UBE2E2: variants seen among roughly 807,000 people sequenced by gnomAD.
UBE2E2 encodes ubiquitin conjugating enzyme E2 E2, also known as ubiquitin-conjugating enzyme E2 E2.
In UBE2E2, 6 loss-of-function variants were observed where a neutral mutation model predicts 24.7. The ratio of observed to expected loss-of-function variants is 0.24; its 90% CI spans 0.13 to 0.48. The LOEUF (loss-of-function observed/expected upper bound fraction) is 0.48, where lower values mean the gene tolerates loss of function less well. Ranked by LOEUF, UBE2E2 falls within the 20% of genes least tolerant of loss-of-function variation. UBE2E2 has a pLI of 0.99. For missense variants in UBE2E2, 169 were observed against 245.0 expected (o/e 0.69, Z 2.07); for synonymous variants, 104 against 83.6 (o/e 1.24, Z -1.33).
chr3:23,265,429 G>A (rs1392475327), intron 3 of UBE2E2, among the ~76,000 whole-genome samples: 2 of 152,140 alleles, frequency 1.3e-5, no homozygotes, highest in African/African-American at 2.4e-5. Context: ...CTGGAGAGGT[G>A]ACTGGGACCA....
intron 3 of UBE2E2, among the ~76,000 whole-genome samples, chr3:23,263,958 C>T (rs987480965): frequency 1.3e-5 from 2 of 152,102 alleles, no homozygotes; most frequent in Non-Finnish European, 2.9e-5. Context: ...TTTTGTACTT[C>T]GTTTCATTCT....
chr3:23,494,525 G>A (rs1407768760), intron 3 of UBE2E2, among the ~76,000 whole-genome samples: 1 of 152,116 alleles, frequency 6.6e-6, no homozygotes, highest in Non-Finnish European at 1.5e-5. Flanking sequence ...GTAGCCACAT[G>A]GCTACCATAT....
At chr3:23,364,400 C>G (rs943948209) in intron 3 of UBE2E2, among the ~76,000 whole-genome samples, 7 of 151,634 alleles carry the variant, frequency 4.6e-5, no homozygotes, top group Admixed American at 3.9e-4. Flanking sequence ...GAGAGAGAGA[C>G]AGAAGATCCA....
intron 5 of UBE2E2, among the ~76,000 whole-genome samples, chr3:23,581,092 G>C (rs1324358302): frequency 2.0e-5 from 3 of 151,604 alleles, no homozygotes; most frequent in Non-Finnish European, 4.4e-5. Flanking sequence ...TATTTTTGAG[G>C]TGGGGTCTCA....
At chr3:23,537,039 CTTGAAGTTGCAGTT>C (rs1695281860) in intron 5 of UBE2E2, among the ~76,000 whole-genome samples, 1 of 152,160 alleles carries the variant, frequency 6.6e-6, no homozygotes, top group Non-Finnish European at 1.5e-5. Flanking sequence ...CTTCATTTTG[CTTGAAGTTGCAGTT>C]TCCAAGAACC....
intron 5 of UBE2E2, among the ~76,000 whole-genome samples, chr3:23,586,906 C>A (rs1696639384): frequency 1.1e-5 from 1 of 94,090 alleles, no homozygotes. Flanking sequence ...TAAATTAATC[C>A]CTTTTTTTTT....
intron 3 of UBE2E2, among the ~76,000 whole-genome samples, chr3:23,493,306 A>C (rs915613681): frequency 6.6e-6 from 1 of 152,206 alleles, no homozygotes; most frequent in Non-Finnish European, 1.5e-5. Context: ...GCCTATTTTC[A>C]TGATTTTTAT....
intron 3 of UBE2E2, among the ~76,000 whole-genome samples, chr3:23,371,102 T>C (rs1696388091): frequency 6.6e-6 from 1 of 152,196 alleles, no homozygotes; most frequent in South Asian, 2.1e-4. Flanking sequence ...CAATCATGGC[T>C]CACTGCAGCC....
intron 3 of UBE2E2, chr3:23,323,497 A>G (rs1476539551): frequency 4.6e-6 from 2 of 437,602 alleles, no homozygotes; most frequent in Non-Finnish European, 9.1e-6. Context: ...AACACTTTGT[A>G]ATTCACAACT....
intron 3 of UBE2E2, among the ~76,000 whole-genome samples, chr3:23,434,778 TTCTC>T (rs1698146305): frequency 6.6e-6 from 1 of 152,144 alleles, no homozygotes; most frequent in African/African-American, 2.4e-5. Flanking sequence ...GAAAAGGAAA[TTCTC>T]TCAGTGTAAT....
intron 3 of UBE2E2, among the ~76,000 whole-genome samples, chr3:23,373,539 T>A (rs1696446231): frequency 6.6e-6 from 1 of 152,136 alleles, no homozygotes; most frequent in Non-Finnish European, 1.5e-5. Flanking sequence ...CCAGTTAAGT[T>A]GAGGGAGACC....
At chr3:23,471,684 G>T (rs1699035071) in intron 3 of UBE2E2, among the ~76,000 whole-genome samples, 1 of 152,222 alleles carries the variant, frequency 6.6e-6, no homozygotes, top group African/African-American at 2.4e-5. Flanking sequence ...AACCAAAGTT[G>T]TCTTCCAGAA....
chr3:23,284,953 G>T (rs1176234371), intron 3 of UBE2E2, among the ~76,000 whole-genome samples: 5 of 114,418 alleles, frequency 4.4e-5, no homozygotes, highest in Admixed American at 8.4e-5. Flanking sequence ...GCTTCTTGTT[G>T]GAAAAAAAAA....
At chr3:23,394,170 G>A (rs1328277393) in intron 3 of UBE2E2, among the ~76,000 whole-genome samples, 3 of 152,274 alleles carry the variant, frequency 2.0e-5, no homozygotes, top group South Asian at 2.1e-4. Flanking sequence ...GTTTTCTGCC[G>A]TATGTGGGCC....
At chr3:23,457,491 A>G (rs1698704945) in intron 3 of UBE2E2, among the ~76,000 whole-genome samples, 1 of 152,166 alleles carries the variant, frequency 6.6e-6, no homozygotes, top group South Asian at 2.1e-4. Flanking sequence ...AACTTGCTGC[A>G]GCTTCTCCAT....
At chr3:23,548,089 A>T (rs769192183) in intron 5 of UBE2E2, among the ~76,000 whole-genome samples, 16 of 152,296 alleles carry the variant, frequency 1.1e-4, no homozygotes, top group South Asian at 4.2e-4. Flanking sequence ...TGGCTTTTAT[A>T]TACATATGTT....
At chr3:23,479,642 G>A (rs1055051379) in intron 3 of UBE2E2, among the ~76,000 whole-genome samples, 6 of 152,112 alleles carry the variant, frequency 3.9e-5, no homozygotes, top group Admixed American at 6.5e-5. Flanking sequence ...AATGAGATTC[G>A]GACAACTGGA....
chr3:23,441,915 G>T (rs747061654), intron 3 of UBE2E2, among the ~76,000 whole-genome samples: 3 of 151,896 alleles, frequency 2.0e-5, no homozygotes, highest in African/African-American at 4.8e-5. Flanking sequence ...ATTCAAAGAC[G>T]TTTCATATTT....
At chr3:23,443,635 A>G (rs1028099214) in intron 3 of UBE2E2, among the ~76,000 whole-genome samples, 3 of 152,190 alleles carry the variant, frequency 2.0e-5, no homozygotes, top group African/African-American at 7.2e-5. Context: ...CAAGGCAAGA[A>G]CTGCCCCCCG....
Sources: allele counts gnomAD v4.1 joint callset (sites outside exome capture counted in the v4.1 genomes callset), GRCh38; gene constraint gnomAD v4.1.1; transcripts MANE v1.5; gene names NCBI Gene and HGNC (gene_info 2026-07-23, HGNC 2026-07-21).